The following NOP9 variants were observed in gnomAD, a reference collection of about 807,000 sequenced individuals.
NOP9 encodes the protein nucleolar protein 9.
NOP9 carries 50 observed loss-of-function variants against 63.0 expected under a neutral mutation model. That is an observed-to-expected ratio of 0.79 (90% CI 0.63 to 1.00). NOP9 has a LOEUF of 1.00. NOP9 is among the 50% of genes least tolerant of loss of function. NOP9 has a pLI of 0.00. For missense variants in NOP9, 758 were observed against 803.0 expected (o/e 0.94, Z 0.68); for synonymous variants, 343 against 332.8 (o/e 1.03, Z -0.33).
chr14:24,307,312 C>T lies in NOP9; in HGVS notation c.*2217C>T. The T allele has an allele frequency of 6.5e-7, 1 of 1,548,190 alleles. No individual in the cohort carries two copies. The highest frequency in any genetic ancestry group is 1.2e-5 in the South Asian group (1 of 82,448). ...TCTGCTCCATCATCACAAGTTGCCA[C>T]TGTTGTGGAGCCCCTTGGCTACCCC... On this transcript the variant is annotated 3_prime_UTR_variant, in exon 10 of 10. Coordinates refer to ENST00000267425, the MANE Select transcript of NOP9 (RefSeq NM_174913.3).
the NOP9 span, among the ~76,000 whole-genome samples, chr14:24,274,690 G>C: frequency 6.6e-6 from 1 of 150,994 alleles, no homozygotes; most frequent in Non-Finnish European, 1.5e-5. Flanking sequence ...CTCACTGCCA[G>C]CTCTGCCTCC....
upstream of NOP9, chr14:24,299,282 G>T: frequency 1.5e-6 from 1 of 689,120 alleles, no homozygotes; most frequent in Non-Finnish European, 2.3e-6. Flanking sequence ...CTGACAACTG[G>T]GTGCGGGCCT....
Position 24,303,645 on chromosome 14 carries a change from TCTTTC to T in NOP9, c.1285-79_1285-75del, listed in dbSNP as rs921615836. ...CTAACATTCTTGTGGAGTTGGGCCT[TCTTTC>T]CTTTCCTGAAGGTGTTCCCTTAAAG... On this transcript the variant is annotated intron_variant, in intron 6 of 9. Transcript: ENST00000267425. 10 of 1,439,964 alleles carry T rather than the reference TCTTTC, an allele frequency of 6.9e-6. No individual in the cohort carries two copies. In the African/African-American group the frequency reaches 1.3e-4, roughly 18 times the overall value. The allele number at this position is 1,439,964 out of a possible 1,614,324, so 89.2% of individuals were successfully genotyped here.
At chr14:24,276,572 T>C in the NOP9 span, among the ~76,000 whole-genome samples, 1 of 152,126 alleles carries the variant, frequency 6.6e-6, no homozygotes, top group Non-Finnish European at 1.5e-5. Flanking sequence ...ACTGCAGGCA[T>C]GAGCCACCGC....
At chr14:24,276,762 C>T in the NOP9 span, among the ~76,000 whole-genome samples, 13 of 152,316 alleles carry the variant, frequency 8.5e-5, no homozygotes, top group South Asian at 1.5e-3. Flanking sequence ...GTGATTGTAA[C>T]GGTTTACATT....
chr14:24,282,144 G>A, the NOP9 span, among the ~76,000 whole-genome samples: 5 of 152,166 alleles, frequency 3.3e-5, no homozygotes, highest in African/African-American at 9.7e-5. Context: ...CCGAGATAGC[G>A]CCACTGCACT....
At position 24,299,886 on chromosome 14, in the gene NOP9, G is replaced by A. The variant is rs1414778855; in HGVS notation, c.-69G>A. 14 of 1,487,836 alleles carry A rather than the reference G, an allele frequency of 9.4e-6. No homozygotes were observed. Among genetic ancestry groups the A allele is most frequent in the African/African-American group, 2.8e-5 (2 of 71,216 alleles). The allele number at this position is 1,487,836 out of a possible 1,614,324, so 92.2% of individuals were successfully genotyped here. A position where few individuals can be genotyped will look rare whatever the true frequency, so the allele number is the denominator to read the frequency against. On this transcript the variant is annotated 5_prime_UTR_variant, in exon 1 of 10. Coordinates refer to ENST00000267425, the MANE Select transcript of NOP9 (RefSeq NM_174913.3). ...TAAACTTTGTCTGGATAAGGCGCAC[G>A]CTTGGCGACGTCGAAGGTCCGTCCG...
At chr14:24,280,370 C>T in the NOP9 span, among the ~76,000 whole-genome samples, 1 of 152,104 alleles carries the variant, frequency 6.6e-6, no homozygotes, top group Admixed American at 6.5e-5. Context: ...TGAGCAGAAG[C>T]CCTGGCTTGG....
rs370762499 is a variant in NOP9, at chr14:24,306,560, T to A, written c.*1465T>A. 550 of 1,613,140 alleles carry A rather than the reference T, an allele frequency of 3.4e-4. No homozygotes were observed. The highest frequency in any genetic ancestry group is 4.5e-4 in the Non-Finnish European group (532 of 1,179,228). The stretch of plus-strand genomic sequence containing the variant: ...CAAGAAGCAAGAAGGGCAGGTCTTA[T>A]CCCATGCCCCTTCCCTCTTTAGCTG... On this transcript the variant is annotated 3_prime_UTR_variant, in exon 10 of 10. Coordinates refer to ENST00000267425, the MANE Select transcript of NOP9 (RefSeq NM_174913.3).
the NOP9 span, among the ~76,000 whole-genome samples, chr14:24,288,688 GTA>G: frequency 6.6e-6 from 1 of 152,124 alleles, no homozygotes; most frequent in African/African-American, 2.4e-5. Context: ...GCTTGATGCT[GTA>G]TATATATTAT....
chr14:24,280,012 G>A, the NOP9 span, among the ~76,000 whole-genome samples: 1 of 152,142 alleles, frequency 6.6e-6, no homozygotes, highest in Admixed American at 6.5e-5. Context: ...CGCTCCTTTT[G>A]GGGGAGCACT....
At chr14:24,294,252 A>G in the NOP9 span, 2 of 152,198 alleles carry the variant, frequency 1.3e-5, no homozygotes, top group African/African-American at 4.8e-5. Flanking sequence ...ACACACATAC[A>G]CACACAAATA....
chr14:24,304,075 T>G lies in NOP9; in HGVS notation c.1445T>G (p.Val482Gly), dbSNP rs763969707. The G allele has an allele frequency of 1.2e-6, 2 of 1,614,246 alleles. No homozygotes were observed. Among genetic ancestry groups the G allele is most frequent in the South Asian group, 1.1e-5 (1 of 91,086 alleles). Reference protein sequence around the residue: ...AMAAARALGDVTVLGSLLLQH... With the variant: ...AMAAARALGDGTVLGSLLLQH... ...GCCGCAGCCAGAGCCTTGGGGGATG[T>G]GACAGTCCTTGGGTCTCTACTGCTC... Residue 482 changes from valine to glycine, a missense_variant, in exon 8 of 10, where the codon GTG (valine) becomes GGG (glycine). By Grantham distance (109) the Val-to-Gly change is moderately radical. Coordinates refer to ENST00000267425, the MANE Select transcript of NOP9 (RefSeq NM_174913.3).
At chr14:24,293,764 G>A in the NOP9 span, 1 of 148,758 alleles carries the variant, frequency 6.7e-6, no homozygotes, top group Non-Finnish European at 1.5e-5. Flanking sequence ...TGAGATGGGA[G>A]AATTGCTTGA....
rs2041339281 is a variant in NOP9, at chr14:24,300,031, A to G, written c.77A>G (p.Lys26Arg). The G allele has an allele frequency of 6.2e-7, 1 of 1,606,226 alleles. No homozygotes were observed. The highest frequency in any genetic ancestry group is 1.7e-5 in the Admixed American group (1 of 59,648). ...GGTGGCAAACGGGGGCGCGGGGCCAAGGGGTCGGGGCGCCCCTTACCAGGC... is the reference window on the plus strand; with the variant it reads ...GGTGGCAAACGGGGGCGCGGGGCCAGGGGGTCGGGGCGCCCCTTACCAGGC... ...PAGGKRGRGA[K>R]GSGRPLPGRK... Residue 26 changes from lysine (K) to arginine (R), a missense_variant, in exon 1 of 10, where the codon AAG (lysine) becomes AGG (arginine). Lys to Arg is a conservative substitution (Grantham distance 26). Coordinates refer to ENST00000267425, the MANE Select transcript of NOP9 (RefSeq NM_174913.3).
At chr14:24,292,574 CTG>C in the NOP9 span, 1 of 1,611,308 alleles carries the variant, frequency 6.2e-7, no homozygotes, top group Non-Finnish European at 8.5e-7. Context: ...ATTCTGACCA[CTG>C]GGGATTGTAC....
chr14:24,291,474 C>T, the NOP9 span: 16 of 1,458,880 alleles, frequency 1.1e-5, no homozygotes, highest in African/African-American at 2.8e-5. Flanking sequence ...AACCAACTCC[C>T]GAGCCAGATC....
chr14:24,308,398 G>GGGTGTAAGGAGAGGATGGATCCT lies in NOP9; in HGVS notation c.*3305_*3327dup. The GGGTGTAAGGAGAGGATGGATCCT allele has an allele frequency of 5.5e-6, 1 of 182,088 alleles. No individual in the cohort carries two copies. Among genetic ancestry groups the GGGTGTAAGGAGAGGATGGATCCT allele is most frequent in the Non-Finnish European group, 1.2e-5 (1 of 84,236 alleles). The allele number at this position is 182,088 out of a possible 1,614,324, so 11.3% of individuals were successfully genotyped here. ...TGAGAGGTGAGACTGTGTCCAGGAA[G>GGGTGTAAGGAGAGGATGGATCCT]GGTGTAAGGAGAGGATGGATCCTGA... On this transcript the variant is annotated 3_prime_UTR_variant, in exon 10 of 10. Coordinates refer to ENST00000267425, the MANE Select transcript of NOP9 (RefSeq NM_174913.3).
At chr14:24,294,960 G>A (rs1401467851), upstream of NOP9, among the ~76,000 whole-genome samples, 3 of 152,104 alleles carry the variant, frequency 2.0e-5, no homozygotes, top group Admixed American at 1.3e-4. Context: ...ATAAAAAATT[G>A]GTAGGGTCTT....
Sources: gnomAD v4.1 joint callset for allele counts (sites outside exome capture counted in the v4.1 genomes callset) on GRCh38, gnomAD v4.1.1 for gene constraint, MANE v1.5 for transcripts, NCBI Gene and HGNC (gene_info 2026-07-23, HGNC 2026-07-21) for gene names.